Variants in ZFHX3 observed in about 807,000 individuals in gnomAD.
The protein encoded by ZFHX3 is zinc finger homeobox 3, also known as zinc finger homeobox protein 3.
ZFHX3 carries 42 observed loss-of-function variants against 279.1 expected under a neutral mutation model. The ratio of observed to expected loss-of-function variants is 0.15; its 90% confidence interval spans 0.12 to 0.19. The LOEUF is 0.19. Among genes scored for constraint, ZFHX3 ranks in the 10% least tolerant of loss-of-function variants. The pLI, the probability that ZFHX3 is intolerant of heterozygous loss-of-function variation, is 1.00. For missense variants in ZFHX3, 4,981 were observed against 4,754.0 expected (o/e 1.05, Z -1.40); for synonymous variants, 2,293 against 1,957.8 (o/e 1.17, Z -4.52).
chr16:73,608,045 G>A (rs139459813), intron 2 of ZFHX3, among the ~76,000 whole-genome samples: 53 of 151,828 alleles, frequency 3.5e-4, no homozygotes, highest in Non-Finnish European at 3.5e-4. Context: ...CTGCACTTCA[G>A]CCTGGGGAAC....
chr16:73,070,830 CT>C (rs1965814136), intron 8 of ZFHX3, among the ~76,000 whole-genome samples: 1 of 151,682 alleles, frequency 6.6e-6, no homozygotes, highest in Non-Finnish European at 1.5e-5. Context: ...CCACTCACGC[CT>C]TCCACCACTT....
intron 2 of ZFHX3, among the ~76,000 whole-genome samples, chr16:73,532,966 C>A (rs901795453): frequency 6.6e-6 from 1 of 152,212 alleles, no homozygotes; most frequent in Non-Finnish European, 1.5e-5. Context: ...GAGGTCACCC[C>A]AGCCATGTGG....
intron 1 of ZFHX3, among the ~76,000 whole-genome samples, chr16:73,877,668 C>T (rs1169472712): frequency 6.6e-6 from 1 of 151,926 alleles, no homozygotes; most frequent in Non-Finnish European, 1.5e-5. Context: ...AAATGGAAGT[C>T]AAATATTATT....
chr16:72,886,235 G>A (rs368291726), intron 4 of ZFHX3, among the ~76,000 whole-genome samples: 2 of 152,102 alleles, frequency 1.3e-5, no homozygotes, highest in African/African-American at 2.4e-5. Context: ...TATATGGACC[G>A]AACTGGAGCC....
chr16:73,170,223 GTTTTTT>G (rs1156523996), intron 5 of ZFHX3, among the ~76,000 whole-genome samples: 11 of 57,744 alleles, frequency 1.9e-4, no homozygotes, highest in African/African-American at 3.6e-4. Context: ...CCTTTCACTA[GTTTTTT>G]TTTTTTTTTT....
chr16:73,126,456 T>G (rs539336891), intron 7 of ZFHX3, among the ~76,000 whole-genome samples: 16 of 152,196 alleles, frequency 1.1e-4, no homozygotes, highest in African/African-American at 3.6e-4. Context: ...AAGCGGGGAC[T>G]GAAGAAACAG....
chr16:72,846,162 A>G (rs1385513705), intron 4 of ZFHX3, among the ~76,000 whole-genome samples: 2 of 152,240 alleles, frequency 1.3e-5, no homozygotes, highest in Non-Finnish European at 2.9e-5. Flanking sequence ...CAGCTCAGTA[A>G]GTGAGCATAT....
intron 1 of ZFHX3, among the ~76,000 whole-genome samples, chr16:73,019,241 A>T (rs752741009): frequency 6.6e-6 from 1 of 151,822 alleles, no homozygotes; most frequent in Non-Finnish European, 1.5e-5. Flanking sequence ...CGTGAGCCTC[A>T]CTCCCACTTT....
chr16:73,370,751 T>C (rs1340394547), intron 3 of ZFHX3, among the ~76,000 whole-genome samples: 1 of 152,246 alleles, frequency 6.6e-6, no homozygotes, highest in Non-Finnish European at 1.5e-5. Context: ...TGGACTGTCA[T>C]GGACACTGCT....
Position 73,442,408 on chromosome 16 carries a change from G to C in ZFHX3, c.-1291+13595C>G, listed in dbSNP as rs539426402. 2.5e-3 allele frequency among the ~76,000 whole-genome samples: 373 copies of C among 151,074 alleles called. 1 individual carries two copies. Among genetic ancestry groups the C allele is most frequent in the African/African-American group, 8.8e-3 (363 of 41,060 alleles). On this transcript the variant is annotated intron_variant, in intron 3 of 17. Transcript: ENST00000641206. ...GGGTCTTGCTCTACTGCCCAGGCTGGAGTGCTGTAGCACGATCATAGCTCA... is the reference window on the plus strand; with the variant it reads ...GGGTCTTGCTCTACTGCCCAGGCTGCAGTGCTGTAGCACGATCATAGCTCA...
intron 1 of ZFHX3, among the ~76,000 whole-genome samples, chr16:72,986,105 G>A (rs749308759): frequency 6.6e-6 from 1 of 151,286 alleles, no homozygotes; most frequent in Non-Finnish European, 1.5e-5. Context: ...ACCCCTGGGC[G>A]GTTAACATGT....
chr16:73,424,438 A>G (rs1253874427), intron 3 of ZFHX3, among the ~76,000 whole-genome samples: 2 of 152,128 alleles, frequency 1.3e-5, no homozygotes, highest in Non-Finnish European at 2.9e-5. Flanking sequence ...CACCTTCTGC[A>G]TATGTACTCA....
intron 3 of ZFHX3, among the ~76,000 whole-genome samples, chr16:73,360,270 A>G (rs1033260217): frequency 6.6e-6 from 1 of 152,224 alleles, no homozygotes; most frequent in African/African-American, 2.4e-5. Context: ...AATTATCACA[A>G]CCACCCAATG....
At position 73,496,436 on chromosome 16, in the gene ZFHX3, C is replaced by G. The variant is rs1320523636; in HGVS notation, c.-1546-40178G>C. Among the ~76,000 whole-genome samples, 3 of 152,170 alleles carry G rather than the reference C, an allele frequency of 2.0e-5. No homozygotes were observed. The East Asian group carries it at 5.8e-4, about 29-fold the overall frequency. On this transcript the variant is annotated intron_variant, in intron 2 of 17. Transcript: ENST00000641206. The stretch of plus-strand genomic sequence containing the variant: ...ATCTCAGCTACTCTGGAGGCTGGGG[C>G]AGGAGAATCGCTTGAACTGGGGAGG...
intron 2 of ZFHX3, among the ~76,000 whole-genome samples, chr16:73,642,683 G>A (rs752998790): frequency 1.7e-4 from 26 of 152,104 alleles, no homozygotes; most frequent in South Asian, 8.3e-4. Context: ...TATATTAAGC[G>A]TAGTACATAT....
At chr16:73,475,187 G>T (rs2143612618) in intron 2 of ZFHX3, among the ~76,000 whole-genome samples, 1 of 152,234 alleles carries the variant, frequency 6.6e-6, no homozygotes, top group South Asian at 2.1e-4. Flanking sequence ...AGATAGCGCT[G>T]GGAATAATCA....
rs1274145943 is a variant in ZFHX3, at chr16:73,035,161, AAG to A, written c.-50+12589_-50+12590del. Among the ~76,000 whole-genome samples, 38 of 146,752 alleles carry A rather than the reference AAG, an allele frequency of 2.6e-4. 1 individual carries two copies. In the East Asian group the frequency reaches 6.4e-3, roughly 25 times the overall value. On this transcript the variant is annotated intron_variant, in intron 1 of 9. Transcript: ENST00000268489. ...GACTCCAAAGATTTGGTACAAAAAAAAGGGATGTAAAATATCTCATTAATAGT... is the reference window on the plus strand; with the variant it reads ...GACTCCAAAGATTTGGTACAAAAAAAGGATGTAAAATATCTCATTAATAGT...
intron 1 of ZFHX3, among the ~76,000 whole-genome samples, chr16:73,693,839 C>T (rs1216588914): frequency 6.6e-6 from 1 of 152,112 alleles, no homozygotes; most frequent in Non-Finnish European, 1.5e-5. Context: ...TGCGTTTCCA[C>T]ATCTCATGAT....
chr16:73,228,915 A>G (rs1445612971), intron 5 of ZFHX3, among the ~76,000 whole-genome samples: 1 of 152,158 alleles, frequency 6.6e-6, no homozygotes. Flanking sequence ...TTTTTGGAAG[A>G]CGTCGTGGCT....
Sources: gnomAD v4.1 joint callset for allele counts (sites outside exome capture counted in the v4.1 genomes callset) on GRCh38, gnomAD v4.1.1 for gene constraint, MANE v1.5 for transcripts, NCBI Gene and HGNC (gene_info 2026-07-23, HGNC 2026-07-21) for gene names.